The following XIRP2 variants were observed in gnomAD, a reference collection of about 807,000 sequenced individuals.
XIRP2 encodes xin actin-binding repeat-containing protein 2.
Under a neutral mutation model 277.0 loss-of-function variants are expected in XIRP2, and 236 were observed. That is an observed-to-expected ratio of 0.85 (90% CI 0.77 to 0.95). The LOEUF is 0.95. Among genes scored for constraint, XIRP2 ranks in the 40% least tolerant of loss-of-function variants. The probability of loss-of-function intolerance (pLI) is 0.00; values close to 1 mark genes in which losing one functional copy is unlikely to be tolerated. For missense variants in XIRP2, 4,640 were observed against 4,157.5 expected (o/e 1.12, Z -3.19); for synonymous variants, 1,490 against 1,416.5 (o/e 1.05, Z -1.17).
intron 2 of XIRP2, among the ~76,000 whole-genome samples, chr2:166,958,095 C>T (rs1406031116): frequency 3.3e-5 from 5 of 151,798 alleles, no homozygotes; most frequent in Admixed American, 3.3e-4. Context: ...ATGTGAGCGA[C>T]TTTGCTAACT....
At position 167,258,723 on chromosome 2, in the gene XIRP2, C is replaced by A. The variant is rs1225514702; in HGVS notation, c.*906C>A. On this transcript the variant is annotated 3_prime_UTR_variant, in exon 11 of 11. Transcript: ENST00000409195. Reference sequence around the variant, plus strand: ...CTGAATAATTGCAGGCAGAAGACATCTATTTTAGAATTTCTTGATCTATTA... The same window carrying A: ...CTGAATAATTGCAGGCAGAAGACATATATTTTAGAATTTCTTGATCTATTA... 11 of 1,613,246 alleles carry A rather than the reference C, an allele frequency of 6.8e-6. No individual in the cohort carries two copies. Among genetic ancestry groups the A allele is most frequent in the Non-Finnish European group, 6.8e-6 (8 of 1,179,600 alleles).
At chr2:166,899,426 T>G (rs1684321535) in intron 1 of XIRP2, among the ~76,000 whole-genome samples, 1 of 152,102 alleles carries the variant, frequency 6.6e-6, no homozygotes, top group Admixed American at 6.6e-5. Context: ...ATAGAATGTA[T>G]ACTATTATTT....
intron 2 of XIRP2, among the ~76,000 whole-genome samples, chr2:167,111,900 G>A (rs1347308294): frequency 6.6e-6 from 1 of 152,110 alleles, no homozygotes; most frequent in East Asian, 1.9e-4. Context: ...AATTGTATAT[G>A]TCCAGGAATT....
chr2:167,203,947 T>C (rs1693789804), intron 3 of XIRP2, among the ~76,000 whole-genome samples: 1 of 152,208 alleles, frequency 6.6e-6, no homozygotes, highest in Admixed American at 6.5e-5. Context: ...TCTCCCAATG[T>C]AGTTCTCAAT....
chr2:167,052,285 T>C (rs1290032646), intron 2 of XIRP2, among the ~76,000 whole-genome samples: 1 of 151,964 alleles, frequency 6.6e-6, no homozygotes, highest in Non-Finnish European at 1.5e-5. Context: ...ATTATTGTTA[T>C]GTAGAAATCT....
intron 2 of XIRP2, among the ~76,000 whole-genome samples, chr2:166,936,992 A>T (rs191873773): frequency 6.6e-6 from 1 of 152,282 alleles, no homozygotes; most frequent in East Asian, 1.9e-4. Flanking sequence ...AAATCTATAA[A>T]TTACCTTGGG....
At chr2:167,070,529 G>A (rs760611389) in intron 2 of XIRP2, among the ~76,000 whole-genome samples, 3 of 152,032 alleles carry the variant, frequency 2.0e-5, no homozygotes, top group Non-Finnish European at 4.4e-5. Context: ...TTCATGTATT[G>A]TAAATTTAAC....
chr2:167,203,864 A>G (rs543357794), intron 3 of XIRP2, among the ~76,000 whole-genome samples: 4 of 152,332 alleles, frequency 2.6e-5, no homozygotes, highest in Non-Finnish European at 5.9e-5. Context: ...GTGTATTGGT[A>G]TGCTATCCTG....
intron 2 of XIRP2, among the ~76,000 whole-genome samples, chr2:167,130,914 C>A (rs770270480): frequency 3.3e-5 from 5 of 152,044 alleles, no homozygotes; most frequent in Non-Finnish European, 7.4e-5. Flanking sequence ...ACTTAACAGG[C>A]CCTATTGGTA....
In XIRP2 at chr2:167,251,053, C is replaced by G. The variant is rs768081610; in HGVS notation, c.9661C>G (p.Leu3221Val). The change falls in exon 9 of 11, where the codon CTT becomes GTT. Residue 3221 changes from leucine (L) to valine (V), a missense_variant. Leu to Val is a conservative substitution (Grantham distance 32). Transcript: ENST00000409195. ...TGAAATCATCATGTCTCCTGCAACA[C>G]TTCGTCGTCAAATTAAGATAGAAAC... The part of the protein sequence containing the change: ...RSEIIMSPAT[L>V]RRQIKIETRG... The G allele has an allele frequency of 6.2e-7, 1 of 1,613,672 alleles. No individual in the cohort carries two copies. The highest frequency in any genetic ancestry group is 2.2e-5 in the East Asian group (1 of 44,836).
chr2:166,955,815 CT>C (rs372631197), intron 2 of XIRP2, among the ~76,000 whole-genome samples: 5,099 of 144,554 alleles, frequency 0.035, 107 homozygotes, highest in East Asian at 0.063. Context: ...GTTTAGTTTG[CT>C]TTTTTTTTTT....
intron 2 of XIRP2, among the ~76,000 whole-genome samples, chr2:166,927,624 T>G (rs188408918): frequency 2.0e-5 from 3 of 152,248 alleles, no homozygotes; most frequent in Non-Finnish European, 4.4e-5. Flanking sequence ...TTTATTATCT[T>G]TGTTTATTAC....
chr2:167,023,287 C>G (rs1042411310), intron 2 of XIRP2, among the ~76,000 whole-genome samples: 4 of 152,078 alleles, frequency 2.6e-5, no homozygotes, highest in African/African-American at 9.7e-5. Flanking sequence ...CCTTCACCCA[C>G]TTTTTGATGG....
At chr2:167,172,787 G>A (rs192628390) in intron 3 of XIRP2, among the ~76,000 whole-genome samples, 4 of 152,258 alleles carry the variant, frequency 2.6e-5, no homozygotes, top group Non-Finnish European at 5.9e-5. Flanking sequence ...AATTTGTGCA[G>A]TTAATGCAAT....
Position 167,243,379 on chromosome 2 carries a change from T to C in XIRP2, c.1987T>C (p.Leu663=), listed in dbSNP as rs370115866. 5 of 1,613,980 alleles carry C rather than the reference T, an allele frequency of 3.1e-6. No homozygotes were observed. The highest frequency in any genetic ancestry group is 3.3e-4 in the Middle Eastern group (2 of 6,060). The change falls in exon 9 of 11, where the codon TTG becomes CTG. Residue 663 remains leucine, a synonymous_variant. Coordinates refer to ENST00000409195, the MANE Select transcript of XIRP2 (RefSeq NM_152381.6). ...TARWMFETRP[L]DSMNKMHQSQ... is the part of the protein sequence containing the mutation. ...TCGGTGGATGTTTGAAACAAGGCCA[T>C]TGGACTCAATGAATAAAATGCATCA...
intron 2 of XIRP2, among the ~76,000 whole-genome samples, chr2:167,105,232 G>A (rs532937175): frequency 1.5e-4 from 23 of 151,760 alleles, no homozygotes; most frequent in South Asian, 2.1e-4. Context: ...CCCAGTATTC[G>A]CATTGATACA....
rs781420148 is a variant in XIRP2, at chr2:166,903,572, C to T, written c.90C>T (p.Asp30=). 1.2e-6 allele frequency: 2 copies of T among 1,613,536 alleles called. No homozygotes were observed. The highest frequency in any genetic ancestry group is 1.7e-5 in the Admixed American group (1 of 59,886). ...AGAGAAGTGAGTGTCATCCCAGGGA[C>T]AGCCATTGTACAATTTTCCAGCCTC... ...DYQRSECHPR[D]SHCTIFQPQE... is the part of the protein sequence containing the mutation. The change falls in exon 2 of 11, where the codon GAC becomes GAT. Residue 30 remains aspartate, a synonymous_variant. Coordinates refer to ENST00000409195, the MANE Select transcript of XIRP2 (RefSeq NM_152381.6).
chr2:167,055,076 G>C (rs6741406), intron 2 of XIRP2, among the ~76,000 whole-genome samples: 12,130 of 152,214 alleles, frequency 0.08, 856 homozygotes, highest in African/African-American at 0.18. Context: ...CTGTGGTCTT[G>C]AAGTAAACTA....
At chr2:167,215,642 G>A (rs921155859) in intron 4 of XIRP2, among the ~76,000 whole-genome samples, 1 of 152,156 alleles carries the variant, frequency 6.6e-6, no homozygotes, top group Admixed American at 6.5e-5. Context: ...TTAAGGCTTT[G>A]AGGGTTATGT....
Sources: allele counts gnomAD v4.1 joint callset (sites outside exome capture counted in the v4.1 genomes callset), GRCh38; gene constraint gnomAD v4.1.1; transcripts MANE v1.5; gene names NCBI Gene and HGNC (gene_info 2026-07-23, HGNC 2026-07-21).